Variants in PIEZO2 observed in about 807,000 individuals in gnomAD.
The protein encoded by PIEZO2 is piezo type mechanosensitive ion channel component 2, also known as piezo-type mechanosensitive ion channel component 2.
A neutral mutation model predicts 337.3 loss-of-function variants in PIEZO2; 172 were observed. The ratio of observed to expected loss-of-function variants is 0.51; its 90% CI spans 0.45 to 0.58. The LOEUF is 0.58. Among genes scored for constraint, PIEZO2 ranks in the 20% least tolerant of loss-of-function variants. The probability of loss-of-function intolerance (pLI) is 0.00; values close to 1 mark genes in which losing one functional copy is unlikely to be tolerated. For missense variants in PIEZO2, 3,028 were observed against 3,391.3 expected, an observed-to-expected ratio of 0.89 and a Z score of 2.66; for synonymous variants, 1,251 against 1,228.5, an observed-to-expected ratio of 1.02 and a Z score of -0.38.
chr18:10,674,127 G>C (rs760939968), intron 54 of PIEZO2, among the ~76,000 whole-genome samples: 1 of 152,136 alleles, frequency 6.6e-6, no homozygotes, highest in East Asian at 1.9e-4. Context: ...GATCCTATTA[G>C]AGCCAAAGTC....
rs1012141176 is a variant in PIEZO2 at position 10,862,464 on chromosome 18, C to T, written c.493-5253G>A. Among the ~76,000 whole-genome samples, 2 of 152,184 alleles carry T rather than the reference C, an allele frequency of 1.3e-5. No homozygotes were observed. Among genetic ancestry groups the T allele is most frequent in the East Asian group, 3.9e-4 (2 of 5,190 alleles). On this transcript the variant is annotated intron_variant, in intron 5 of 55. Coordinates refer to ENST00000674853, the MANE Select transcript of PIEZO2 (RefSeq NM_001378183.1). This position sits in a 1 kb window ranked among gnomAD's most constrained non-coding sequence, Gnocchi z 4.4. ...ACCTTTGCGTCTCTGCATCTCATCC[C>T]ACAACATCCTCTCACCCTACAGCAG... is the stretch of plus-strand genomic sequence containing the variant.
At chr18:10,949,203 AT>A in intron 3 of PIEZO2, among the ~76,000 whole-genome samples, 1 of 114,660 alleles carries the variant, frequency 8.7e-6, no homozygotes, top group African/African-American at 5.1e-5. Flanking sequence ...AGTAGGAAAC[AT>A]TTTTTTCTCA....
chr18:10,731,324 A>C (rs1287845417), intron 36 of PIEZO2, 83 bp downstream of exon 36: 1 of 847,998 alleles, frequency 1.2e-6, no homozygotes, highest in African/African-American at 1.7e-5. Context: ...ATCCCTCAGA[A>C]GTTTCTGTCC....
intron 2 of PIEZO2, among the ~76,000 whole-genome samples, chr18:10,998,658 T>A (rs2035421960): frequency 6.6e-6 from 1 of 152,042 alleles, no homozygotes; most frequent in African/African-American, 2.4e-5. Flanking sequence ...AAATAAGTAA[T>A]CTATGGCTAT....
chr18:11,108,593 A>G (rs565905410), intron 1 of PIEZO2, among the ~76,000 whole-genome samples: 26 of 139,168 alleles, frequency 1.9e-4, no homozygotes, highest in Middle Eastern at 7.8e-3. Flanking sequence ...CAGCCTGGGC[A>G]ACAGAGCCAG....
intron 27 of PIEZO2, among the ~76,000 whole-genome samples, chr18:10,755,167 C>T (rs1245179406): frequency 6.6e-6 from 1 of 152,074 alleles, no homozygotes; most frequent in African/African-American, 2.4e-5. Context: ...CAGATACCAA[C>T]ACCAGGCAGA....
At chr18:10,744,286 C>G (rs1207165023) in intron 30 of PIEZO2, 55 bp from the exon 31 acceptor site, 7 of 1,158,060 alleles carry the variant, frequency 6.0e-6, no homozygotes, top group Non-Finnish European at 8.7e-6. Context: ...TGTTGTTCCC[C>G]TTTTCCTGAA....
At chr18:10,984,268 A>C (rs1199739116) in intron 2 of PIEZO2, among the ~76,000 whole-genome samples, 11 of 152,184 alleles carry the variant, frequency 7.2e-5, no homozygotes, top group Admixed American at 7.2e-4. Flanking sequence ...CTTACAAATT[A>C]GCTGACAAAG....
At chr18:10,960,206 T>C (rs990833082) in intron 3 of PIEZO2, among the ~76,000 whole-genome samples, 1 of 152,160 alleles carries the variant, frequency 6.6e-6, no homozygotes, top group Non-Finnish European at 1.5e-5. Flanking sequence ...ATTATTAATA[T>C]TGGTTTTATT....
Position 10,784,281 on chromosome 18 carries a change from T to C in PIEZO2, c.2492+503A>G, listed in dbSNP as rs1488815195. Among the ~76,000 whole-genome samples the C allele has an allele frequency of 6.6e-6, 1 of 152,236 alleles. No individual in the cohort carries two copies. The highest frequency in any genetic ancestry group is 1.5e-5 in the Non-Finnish European group (1 of 68,040). ...CTAAAAGAAGATATTGTCATCATGT[T>C]GTCCTCTTAAATATGATTGTAGTTA... On this transcript the variant is annotated intron_variant, in intron 17 of 55. Coordinates refer to ENST00000674853, the MANE Select transcript of PIEZO2 (RefSeq NM_001378183.1). The surrounding 1 kb of genome is among the most constrained non-coding windows in gnomAD (Gnocchi z 4.5).
intron 3 of PIEZO2, among the ~76,000 whole-genome samples, chr18:10,937,697 T>A (rs2145228242): frequency 6.6e-6 from 1 of 152,218 alleles, no homozygotes; most frequent in Non-Finnish European, 1.5e-5. Flanking sequence ...TCTCCCAAAT[T>A]TTGGGAATTT....
At position 10,718,385 on chromosome 18, in the gene PIEZO2, T is replaced by C. The variant is rs57161090; in HGVS notation, c.5030-126A>G. On this transcript the variant is annotated intron_variant, in intron 36 of 55. Transcript: ENST00000674853. ...AGGACATTCTATTTCAAGAGTTCCTTGGGGAAAGGTTGTTAGAATTCATAG... is the reference window on the plus strand; with the variant it reads ...AGGACATTCTATTTCAAGAGTTCCTCGGGGAAAGGTTGTTAGAATTCATAG... 10,200 of 766,324 alleles carry C rather than the reference T, an allele frequency of 0.013. 730 individuals are homozygous for C. In the African/African-American group the frequency reaches 0.16, roughly 12 times the overall value. 47.5% of individuals were successfully genotyped at this position (766,324 alleles called of 1,614,324 possible).
Position 11,110,166 on chromosome 18 carries a change from C to T in PIEZO2, c.64+38359G>A, listed in dbSNP as rs2039688567. On this transcript the variant is annotated intron_variant, in intron 1 of 55. Transcript: ENST00000674853. This position sits in a 1 kb window ranked among gnomAD's most constrained non-coding sequence, Gnocchi z 4.2. Reference sequence around the variant, plus strand: ...TAAAGACAGCATCTTACTCTATCACCCAGGCTGGAGTAAAGTGGTGTGATC... The same window carrying T: ...TAAAGACAGCATCTTACTCTATCACTCAGGCTGGAGTAAAGTGGTGTGATC... 6.6e-6 allele frequency among the ~76,000 whole-genome samples: 1 copy of T among 152,064 alleles called. No homozygotes were observed. The highest frequency in any genetic ancestry group is 2.4e-5 in the African/African-American group (1 of 41,380).
chr18:10,702,900 C>T (rs55900386), intron 42 of PIEZO2, among the ~76,000 whole-genome samples: 34,567 of 152,092 alleles, frequency 0.23, 3,985 homozygotes, highest in South Asian at 0.28. Flanking sequence ...CTCTTGCTCA[C>T]GGTGGAGTGC....
chr18:10,884,365 TCTTA>T (rs1305217225), intron 4 of PIEZO2, among the ~76,000 whole-genome samples: 6 of 152,234 alleles, frequency 3.9e-5, no homozygotes, highest in South Asian at 2.1e-4. Flanking sequence ...TTTGTCTTTT[TCTTA>T]CTTACTTTCT....
At chr18:10,810,959 C>G (rs1051825468) in intron 7 of PIEZO2, among the ~76,000 whole-genome samples, 1 of 152,224 alleles carries the variant, frequency 6.6e-6, no homozygotes, top group Non-Finnish European at 1.5e-5. Context: ...ACCAGCTGTT[C>G]AGGATGCATA....
chr18:11,088,072 A>G (rs578185150), intron 1 of PIEZO2, among the ~76,000 whole-genome samples: 1 of 152,294 alleles, frequency 6.6e-6, no homozygotes, highest in South Asian at 2.1e-4. Context: ...CTCCCCCTGG[A>G]CCTTAGGCAG....
At chr18:10,734,482 C>T (rs891095700) in intron 35 of PIEZO2, among the ~76,000 whole-genome samples, 3 of 152,214 alleles carry the variant, frequency 2.0e-5, no homozygotes, top group Admixed American at 6.5e-5. Flanking sequence ...GAACTACTCG[C>T]TTAACAGGTG....
chr18:10,886,248 C>T (rs2042574842), intron 4 of PIEZO2, among the ~76,000 whole-genome samples: 1 of 139,858 alleles, frequency 7.2e-6, no homozygotes, highest in Admixed American at 7.4e-5. Flanking sequence ...AGTATCCACC[C>T]TCATCCTGGG....
Sources: gnomAD v4.1 joint callset for allele counts (sites outside exome capture counted in the v4.1 genomes callset) on GRCh38, gnomAD v4.1.1 for gene constraint, Gnocchi (gnomAD v3.1) non-coding constraint, MANE v1.5 for transcripts, NCBI Gene and HGNC (gene_info 2026-07-23, HGNC 2026-07-21) for gene names.